The following NEMP2 variants were observed in gnomAD, a reference collection of about 807,000 sequenced individuals.
NEMP2 encodes UPF0571 transmembrane protein.
NEMP2 carries 53 observed loss-of-function variants against 54.2 expected under a neutral mutation model. The ratio of observed to expected loss-of-function variants is 0.98; its 90% CI spans 0.78 to 1.23. NEMP2 has a LOEUF of 1.23. Among genes scored for constraint, NEMP2 ranks in the 50% most tolerant of loss-of-function variants. NEMP2 has a pLI of 0.00. For missense variants in NEMP2, 455 were observed against 511.3 expected (o/e 0.89, Z 1.06); for synonymous variants, 197 against 190.3 (o/e 1.04, Z -0.29).
rs1008209963 is a variant in NEMP2, at chr2:190,521,958, T to C, written c.214-2775A>G. On this transcript the variant is annotated intron_variant, in intron 2 of 8. Transcript: ENST00000409150. This position sits in a 1 kb window ranked among gnomAD's most constrained non-coding sequence, Gnocchi z 6.2. ...CTCCATCTAAACTCACTCAGTTTCA[T>C]GGCTTTAGGCACCATCTATATAAAT... Among the ~76,000 whole-genome samples, 6 of 152,142 alleles carry C rather than the reference T, an allele frequency of 3.9e-5. No individual in the cohort carries two copies. Among genetic ancestry groups the C allele is most frequent in the East Asian group, 1.9e-4 (1 of 5,202 alleles).
At chr2:190,433,178 A>C in the NEMP2 span, 1 of 152,124 alleles carries the variant, frequency 6.6e-6, no homozygotes. This position sits in a 1 kb window ranked among gnomAD's most constrained non-coding sequence, Gnocchi z 4.5. Flanking sequence ...AAGGATTCAA[A>C]CTACATGTGT....
upstream of NEMP2, among the ~76,000 whole-genome samples, chr2:190,538,323 A>T (rs1691444212): frequency 6.6e-6 from 1 of 152,188 alleles, no homozygotes; most frequent in South Asian, 2.1e-4. The surrounding 1 kb of genome is among the most constrained non-coding windows in gnomAD (Gnocchi z 4.1). Context: ...TTTATGGCTG[A>T]ATAATATTCC....
chr2:190,641,390 C>T, the NEMP2 span: 3 of 152,262 alleles, frequency 2.0e-5, no homozygotes, highest in Non-Finnish European at 1.5e-5. Context: ...GTCAAGGAAA[C>T]AAACAAAATC....
the NEMP2 span, among the ~76,000 whole-genome samples, chr2:190,581,410 C>T: frequency 2.6e-5 from 4 of 152,080 alleles, no homozygotes; most frequent in Admixed American, 6.5e-5. Context: ...ATGTAAGTAA[C>T]GAACTACCAT....
chr2:190,572,833 G>GTGTA, the NEMP2 span, among the ~76,000 whole-genome samples: 49 of 47,864 alleles, frequency 1.0e-3, 1 homozygote, highest in African/African-American at 4.0e-3. Context: ...CTTTTCATGA[G>GTGTA]TATATATATA....
At chr2:190,622,416 T>C in the NEMP2 span, among the ~76,000 whole-genome samples, 1 of 142,998 alleles carries the variant, frequency 7.0e-6, no homozygotes, top group East Asian at 2.1e-4. Context: ...TAGAGTGCAG[T>C]CTCTTAAAAA....
chr2:190,536,261 A>C (rs1691374828), upstream of NEMP2, among the ~76,000 whole-genome samples: 1 of 152,124 alleles, frequency 6.6e-6, no homozygotes, highest in African/African-American at 2.4e-5. Flanking sequence ...TCTGTATGAA[A>C]ACCTTATCCA....
chr2:190,561,048 C>T, the NEMP2 span, among the ~76,000 whole-genome samples: 4 of 152,128 alleles, frequency 2.6e-5, no homozygotes, highest in Admixed American at 6.5e-5. This position sits in a 1 kb window ranked among gnomAD's most constrained non-coding sequence, Gnocchi z 5.4. Context: ...GTGCTTCTTC[C>T]TCGAGGACTA....
At chr2:190,621,896 G>A in the NEMP2 span, among the ~76,000 whole-genome samples, 1 of 152,066 alleles carries the variant, frequency 6.6e-6, no homozygotes. Context: ...CTCACCCGAG[G>A]TCAGGGGTTC....
rs1372550209 is a variant in NEMP2 at position 190,531,728 on chromosome 2, T to C, written c.97+2831A>G. ...CTAATTATAAGCTCAATTATCTCCT[T>C]TGTAGTACTTTTGTCATTTATTAGT... On this transcript the variant is annotated intron_variant, in intron 1 of 8. Transcript: ENST00000409150. This position sits in a 1 kb window ranked among gnomAD's most constrained non-coding sequence, Gnocchi z 4.7. Among the ~76,000 whole-genome samples the C allele has an allele frequency of 2.0e-5, 3 of 152,216 alleles. No individual in the cohort carries two copies. The highest frequency in any genetic ancestry group is 6.5e-5 in the Admixed American group (1 of 15,282).
the NEMP2 span, among the ~76,000 whole-genome samples, chr2:190,467,974 T>C: frequency 6.6e-6 from 1 of 152,176 alleles, no homozygotes; most frequent in Non-Finnish European, 1.5e-5. This position sits in a 1 kb window ranked among gnomAD's most constrained non-coding sequence, Gnocchi z 5.5. Context: ...TATAGAAAAG[T>C]GTTTGCTGAC....
At chr2:190,595,208 A>G in the NEMP2 span, among the ~76,000 whole-genome samples, 1 of 152,160 alleles carries the variant, frequency 6.6e-6, no homozygotes, top group Non-Finnish European at 1.5e-5. This position sits in a 1 kb window ranked among gnomAD's most constrained non-coding sequence, Gnocchi z 4.0. Context: ...CATATGCAGA[A>G]AACTGAAAAT....
the NEMP2 span, among the ~76,000 whole-genome samples, chr2:190,564,170 C>T: frequency 6.6e-6 from 1 of 152,212 alleles, no homozygotes; most frequent in Admixed American, 6.5e-5. This position sits in a 1 kb window ranked among gnomAD's most constrained non-coding sequence, Gnocchi z 4.2. Flanking sequence ...TGAATCCAAT[C>T]TTGAAGAGGA....
chr2:190,426,052 C>G, the NEMP2 span, among the ~76,000 whole-genome samples: 1 of 152,042 alleles, frequency 6.6e-6, no homozygotes, highest in Non-Finnish European at 1.5e-5. The surrounding 1 kb of genome is among the most constrained non-coding windows in gnomAD (Gnocchi z 4.7). Flanking sequence ...TTAGTTTTAT[C>G]CTGTTGGGAT....
the NEMP2 span, among the ~76,000 whole-genome samples, chr2:190,607,169 G>A: frequency 2.4e-4 from 36 of 152,316 alleles, no homozygotes; most frequent in South Asian, 6.4e-3. The surrounding 1 kb of genome is among the most constrained non-coding windows in gnomAD (Gnocchi z 5.2). Flanking sequence ...GCGGAAACAT[G>A]AGCAAGGGAA....
chr2:190,437,154 C>T, the NEMP2 span: 13 of 1,614,098 alleles, frequency 8.1e-6, no homozygotes, highest in South Asian at 2.2e-5. This position sits in a 1 kb window ranked among gnomAD's most constrained non-coding sequence, Gnocchi z 5.9. Flanking sequence ...TCATCGTCTT[C>T]GGCGTTCTCA....
Position 190,510,560 on chromosome 2 carries a change from A to AGG in NEMP2, c.954-25_954-24dup. On this transcript the variant is annotated intron_variant, in intron 7 of 8. Transcript: ENST00000409150. This position sits in a 1 kb window ranked among gnomAD's most constrained non-coding sequence, Gnocchi z 5.7. ...TTCCTAAAACATGGCATGTGGTTGC[A>AGG]GGATTACTTCCTAATTCAATCCTTA... 1.3e-6 allele frequency: 2 copies of AGG among 1,551,362 alleles called. No individual in the cohort carries two copies. Among genetic ancestry groups the AGG allele is most frequent in the Non-Finnish European group, 1.7e-6 (2 of 1,146,660 alleles).
At chr2:190,480,281 C>T in the NEMP2 span, among the ~76,000 whole-genome samples, 4 of 152,194 alleles carry the variant, frequency 2.6e-5, no homozygotes, top group African/African-American at 9.7e-5. Flanking sequence ...AAAGGCCATG[C>T]TTATACTTTT....
chr2:190,486,455 C>T, the NEMP2 span, among the ~76,000 whole-genome samples: 2 of 152,222 alleles, frequency 1.3e-5, no homozygotes, highest in African/African-American at 2.4e-5. Flanking sequence ...CCTTGGCTCC[C>T]TAGACTCTTG....
Sources: allele counts gnomAD v4.1 joint callset (sites outside exome capture counted in the v4.1 genomes callset), GRCh38; gene constraint gnomAD v4.1.1; non-coding constraint Gnocchi (gnomAD v3.1); transcripts MANE v1.5; gene names NCBI Gene and HGNC (gene_info 2026-07-23, HGNC 2026-07-21).